The following ISLR2 variants were observed in gnomAD, a reference collection of about 807,000 sequenced individuals.
ISLR2 encodes the protein immunoglobulin superfamily containing leucine rich repeat 2.
Under a neutral mutation model 25.5 loss-of-function variants are expected in ISLR2, and 16 were observed. The observed-to-expected ratio is 0.63, with a 90% CI of 0.43 to 0.95. The LOEUF (loss-of-function observed/expected upper bound fraction) is 0.95, where lower values mean the gene tolerates loss of function less well. Among genes scored for constraint, ISLR2 ranks in the 40% least tolerant of loss-of-function variants. The pLI is 0.00. For synonymous variants in ISLR2, 508 were observed against 486.6 expected, an observed-to-expected ratio of 1.04 and a Z score of -0.58; for missense variants, 883 against 1,030.7, an observed-to-expected ratio of 0.86 and a Z score of 1.96.
chr15:74,134,381 T>C lies in ISLR2; in HGVS notation c.1627T>C (p.Trp543Arg), dbSNP rs1415829204. The C allele has an allele frequency of 6.2e-7, 1 of 1,607,156 alleles. No individual in the cohort carries two copies. Among genetic ancestry groups the C allele is most frequent in the Non-Finnish European group, 8.5e-7 (1 of 1,178,282 alleles). ...CPAGGGAAVQ[W>R]SRVEEGVNAY... ...AGCGGGGGGCGGCGCGGCAGTGCAG[T>C]GGTCCCGCGTAGAGGAAGGCGTCAA... is the stretch of plus-strand genomic sequence containing the variant. The change falls in exon 3 of 3, where the codon TGG becomes CGG. Residue 543 changes from tryptophan to arginine, a missense_variant. Physicochemically the swap from Trp to Arg is moderately radical, Grantham distance 101. Transcript: ENST00000453268.
chr15:74,133,896 C>T lies in ISLR2; in HGVS notation c.1142C>T (p.Ala381Val). The T allele has an allele frequency of 2.5e-6, 4 of 1,606,080 alleles. No individual in the cohort carries two copies. Among genetic ancestry groups the T allele is most frequent in the East Asian group, 2.2e-5 (1 of 44,566 alleles). Residue 381 changes from alanine (A) to valine (V), a missense_variant, in exon 3 of 3, where the codon GCG becomes GTG. By Grantham distance (64) the Ala-to-Val change is moderately conservative. This residue lies in a region of ISLR2 where 612 missense variants were observed against 642.8 expected (regional missense o/e 0.95). Coordinates refer to ENST00000453268, the MANE Select transcript of ISLR2 (RefSeq NM_020851.3). ...AVAATGPPKH[A>V]PGAGGEPDGQ... ...GCAGCAACCGGGCCCCCAAAACACG[C>T]GCCTGGCGCCGGGGGAGAACCCGAC... is the stretch of plus-strand genomic sequence containing the variant.
intron 2 of ISLR2, among the ~76,000 whole-genome samples, chr15:74,108,194 C>A (rs1173210667): frequency 6.6e-6 from 1 of 152,190 alleles, no homozygotes; most frequent in African/African-American, 2.4e-5. Flanking sequence ...ATCCCTTTCC[C>A]ACCCAGACCA....
intron 2 of ISLR2, among the ~76,000 whole-genome samples, chr15:74,116,496 G>C (rs1168087193): frequency 6.6e-6 from 1 of 152,050 alleles, no homozygotes; most frequent in Non-Finnish European, 1.5e-5. Context: ...TCACCAGCAG[G>C]CCTGCACTCT....
Position 74,135,372 on chromosome 15 carries a change from G to C in ISLR2, c.*380G>C. The C allele has an allele frequency of 4.0e-6, 1 of 248,308 alleles. No individual in the cohort carries two copies. Among genetic ancestry groups the C allele is most frequent in the Non-Finnish European group, 8.5e-6 (1 of 117,366 alleles). 15.4% of individuals were successfully genotyped at this position (248,308 alleles called of 1,614,324 possible). On this transcript the variant is annotated 3_prime_UTR_variant, in exon 3 of 3. Coordinates refer to ENST00000453268, the MANE Select transcript of ISLR2 (RefSeq NM_020851.3). Reference sequence around the variant, plus strand: ...TCTGGAGCCAGAGGAAACGAGCGAAGACTTTGGAAACCTCGCGGTAACGCG... The same window carrying C: ...TCTGGAGCCAGAGGAAACGAGCGAACACTTTGGAAACCTCGCGGTAACGCG...
At chr15:74,117,473 G>C (rs1162668667) in intron 2 of ISLR2, among the ~76,000 whole-genome samples, 2 of 151,990 alleles carry the variant, frequency 1.3e-5, no homozygotes, top group Non-Finnish European at 2.9e-5. Context: ...TTGAGCTCAG[G>C]AGTTTGAGTC....
At chr15:74,116,568 T>C (rs551946207) in intron 2 of ISLR2, among the ~76,000 whole-genome samples, 2 of 152,312 alleles carry the variant, frequency 1.3e-5, no homozygotes, top group African/African-American at 4.8e-5. Flanking sequence ...GAAATTTGGA[T>C]CTACACAAAG....
At chr15:74,115,694 CAAAT>C (rs1396185514) in intron 2 of ISLR2, among the ~76,000 whole-genome samples, 1 of 150,950 alleles carries the variant, frequency 6.6e-6, no homozygotes, top group Non-Finnish European at 1.5e-5. Flanking sequence ...GACCCTGTCT[CAAAT>C]AAATAAATAA....
chr15:74,110,496 C>T (rs2072156637), intron 2 of ISLR2, among the ~76,000 whole-genome samples: 1 of 152,160 alleles, frequency 6.6e-6, no homozygotes, highest in Non-Finnish European at 1.5e-5. Flanking sequence ...AGCAAACTGA[C>T]ATATCCATTC....
rs2072564992 is a variant in ISLR2, at chr15:74,136,329, C to A, written c.*1337C>A. 6.1e-6 allele frequency: 1 copy of A among 164,842 alleles called. No individual in the cohort carries two copies. The highest frequency in any genetic ancestry group is 1.5e-5 in the Non-Finnish European group (1 of 68,202). 10.2% of individuals were successfully genotyped at this position (164,842 alleles called of 1,614,324 possible). On this transcript the variant is annotated 3_prime_UTR_variant, in exon 3 of 3. Transcript: ENST00000453268. ...TCCCGGGCCGCGGCTCTCTGGAGGGCTCGCGCCCTAGTTCGCACAAAGCCT... is the reference window on the plus strand; with the variant it reads ...TCCCGGGCCGCGGCTCTCTGGAGGGATCGCGCCCTAGTTCGCACAAAGCCT...
Position 74,132,293 on chromosome 15 carries a change from C to T in ISLR2, c.-8-454C>T, listed in dbSNP as rs1019788024. Among the ~76,000 whole-genome samples the T allele has an allele frequency of 3.9e-5, 6 of 152,206 alleles. No homozygotes were observed. Among genetic ancestry groups the T allele is most frequent in the African/African-American group, 1.2e-4 (5 of 41,448 alleles). On this transcript the variant is annotated intron_variant, in intron 2 of 2. Transcript: ENST00000453268. The surrounding 1 kb of genome is among the most constrained non-coding windows in gnomAD (Gnocchi z 4.3). The stretch of plus-strand genomic sequence containing the variant: ...GTCTGTTTGTATTGTTGTGTGCCTG[C>T]ATGGGCGTGTGTGCGAGTGCTGTGC...
chr15:74,109,472 G>C (rs936513701), intron 2 of ISLR2, among the ~76,000 whole-genome samples: 13 of 152,240 alleles, frequency 8.5e-5, no homozygotes, highest in African/African-American at 3.1e-4. Flanking sequence ...CCAGGGGCAG[G>C]AGCATTCTTG....
upstream of ISLR2, chr15:74,128,179 C>A (rs551141366): frequency 1.0e-4 from 33 of 315,932 alleles, no homozygotes; most frequent in African/African-American, 7.3e-4. Context: ...GCGCAGTCTT[C>A]TAGCTGAGCT....
chr15:74,134,165 C>T lies in ISLR2; in HGVS notation c.1411C>T (p.His471Tyr). The T allele has an allele frequency of 1.2e-6, 2 of 1,613,180 alleles. No individual in the cohort carries two copies. Among genetic ancestry groups the T allele is most frequent in the Non-Finnish European group, 1.7e-6 (2 of 1,179,720 alleles). ...NGDPSRYVSN[H>Y]AFNQSAELKP... ...GGACCCCTCTCGGTACGTTTCTAAC[C>T]ACGCGTTCAACCAGAGCGCAGAGCT... The change falls in exon 3 of 3, where the codon CAC (histidine) becomes TAC (tyrosine). Residue 471 changes from histidine to tyrosine, a missense_variant. His to Tyr is a moderately conservative substitution (Grantham distance 83). Around this residue, in one of 2 missense-constraint regions of ISLR2, gnomAD observed 612 missense variants for 642.8 expected, o/e 0.95. Transcript: ENST00000453268.
At chr15:74,110,072 T>C (rs1251796027) in intron 2 of ISLR2, among the ~76,000 whole-genome samples, 1 of 152,180 alleles carries the variant, frequency 6.6e-6, no homozygotes, top group Non-Finnish European at 1.5e-5. Flanking sequence ...CCTTTTTAAA[T>C]ACATGTATTT....
intron 2 of ISLR2, among the ~76,000 whole-genome samples, chr15:74,121,772 A>G (rs1009815546): frequency 6.6e-6 from 1 of 152,156 alleles, no homozygotes; most frequent in Non-Finnish European, 1.5e-5. Context: ...AATTCCAGGT[A>G]TCTCTGCAAC....
chr15:74,134,213 G>A lies in ISLR2; in HGVS notation c.1459G>A (p.Gly487Ser), dbSNP rs754148572. The A allele has an allele frequency of 2.5e-6, 4 of 1,607,198 alleles. No individual in the cohort carries two copies. The highest frequency in any genetic ancestry group is 2.7e-5 in the African/African-American group (2 of 74,804). Residue 487 changes from glycine (G) to serine (S), a missense_variant, in exon 3 of 3, where the codon GGC becomes AGC. By Grantham distance (56) the Gly-to-Ser change is moderately conservative. Around this residue, in one of 2 missense-constraint regions of ISLR2, gnomAD observed 612 missense variants for 642.8 expected, o/e 0.95. Coordinates refer to ENST00000453268, the MANE Select transcript of ISLR2 (RefSeq NM_020851.3). ...AELKPHVFEL[G>S]VIALDVAERE... Reference sequence around the variant, plus strand: ...GCTCAAGCCGCACGTCTTCGAGCTGGGCGTCATCGCGCTGGATGTGGCGGA... The same window carrying A: ...GCTCAAGCCGCACGTCTTCGAGCTGAGCGTCATCGCGCTGGATGTGGCGGA...
chr15:74,106,786 T>G (rs1167112247), intron 2 of ISLR2, among the ~76,000 whole-genome samples: 1 of 152,074 alleles, frequency 6.6e-6, no homozygotes, highest in Non-Finnish European at 1.5e-5. Context: ...CTGCATCTAC[T>G]AGGCTGGGAA....
downstream of ISLR2, among the ~76,000 whole-genome samples, chr15:74,140,782 C>G (rs999859271): frequency 1.3e-5 from 2 of 152,168 alleles, no homozygotes; most frequent in African/African-American, 2.4e-5. Context: ...TGTAATGTGT[C>G]AATTCATTGA....
chr15:74,108,623 T>C (rs1375432850), intron 2 of ISLR2, among the ~76,000 whole-genome samples: 3 of 152,212 alleles, frequency 2.0e-5, no homozygotes, highest in African/African-American at 4.8e-5. Context: ...GAAATCACCA[T>C]TTTGGGGATT....
Sources: gnomAD v4.1 joint callset for allele counts (sites outside exome capture counted in the v4.1 genomes callset) on GRCh38, gnomAD v4.1.1 for gene constraint, gnomAD v4.1.1 regional missense constraint, Gnocchi (gnomAD v3.1) non-coding constraint, MANE v1.5 for transcripts, NCBI Gene and HGNC (gene_info 2026-07-23, HGNC 2026-07-21) for gene names.